Variants in KCNMA1 observed in about 807,000 individuals in gnomAD.
KCNMA1 encodes the protein potassium calcium-activated channel subfamily M alpha 1, also known as Calcium-activated potassium channel subunit alpha-1.
In KCNMA1, 29 loss-of-function variants were observed where a neutral mutation model predicts 140.0. The ratio of observed to expected loss-of-function variants is 0.21; its 90% confidence interval spans 0.15 to 0.28. The LOEUF (loss-of-function observed/expected upper bound fraction) is 0.28. Among genes scored for constraint, KCNMA1 ranks in the 10% least tolerant of loss-of-function variants. The pLI, the probability that KCNMA1 is intolerant of heterozygous loss-of-function variation, is 1.00. For missense variants in KCNMA1, 880 were observed against 1,602.2 expected (o/e 0.55, Z 7.70); for synonymous variants, 612 against 611.9 (o/e 1.00, Z 0.00).
At chr10:77,302,870 A>G (rs1165928247) in intron 2 of KCNMA1, among the ~76,000 whole-genome samples, 1 of 152,124 alleles carries the variant, frequency 6.6e-6, no homozygotes, top group Admixed American at 6.5e-5. Flanking sequence ...GAGGTTCTCA[A>G]TCCAGTCTGT....
At chr10:77,282,735 C>T (rs2069120454) in intron 2 of KCNMA1, among the ~76,000 whole-genome samples, 1 of 152,290 alleles carries the variant, frequency 6.6e-6, no homozygotes, top group Admixed American at 6.5e-5. Flanking sequence ...TGATAAGAAA[C>T]ACAGGTGGCT....
chr10:77,631,621 C>T (rs979678085), intron 1 of KCNMA1, among the ~76,000 whole-genome samples: 4 of 152,202 alleles, frequency 2.6e-5, no homozygotes, highest in Non-Finnish European at 5.9e-5. Flanking sequence ...TGCACCAGGC[C>T]TCTCATGCCC....
chr10:77,572,274 C>A (rs546759463), intron 1 of KCNMA1, among the ~76,000 whole-genome samples: 3 of 151,810 alleles, frequency 2.0e-5, no homozygotes, highest in South Asian at 4.2e-4. Flanking sequence ...TAAAAAGAAA[C>A]CAGACCACAC....
At chr10:76,890,791 C>T (rs1279611126) in intron 26 of KCNMA1, among the ~76,000 whole-genome samples, 3 of 152,168 alleles carry the variant, frequency 2.0e-5, no homozygotes, top group African/African-American at 7.2e-5. Context: ...TAGGCAGATA[C>T]ATGGAATCAG....
chr10:77,327,691 T>A (rs1301711713), intron 2 of KCNMA1, among the ~76,000 whole-genome samples: 2 of 151,952 alleles, frequency 1.3e-5, no homozygotes, highest in African/African-American at 2.4e-5. Context: ...CACATCCTCC[T>A]ATAAGGTGAG....
rs534785688 is a variant in KCNMA1 at position 77,177,956 on chromosome 10, C to CT, written c.808+5464dup. ...TTGTTGTTGTTTTTAAGCACCTGTG[C>CT]TTTTTTTATATAATCCTGTTTTTAT... On this transcript the variant is annotated intron_variant, in intron 5 of 27. Transcript: ENST00000286628. Among the ~76,000 whole-genome samples the CT allele has an allele frequency of 2.5e-3, 379 of 152,194 alleles. 6 individuals carry two copies. The highest frequency in any genetic ancestry group is 0.011 in the Admixed American group (172 of 15,284).
intron 2 of KCNMA1, among the ~76,000 whole-genome samples, chr10:77,358,556 CTT>C (rs2093688370): frequency 6.6e-6 from 1 of 152,062 alleles, no homozygotes; most frequent in African/African-American, 2.4e-5. Flanking sequence ...TCCTTTTTCT[CTT>C]TTAAGCCCAG....
intron 2 of KCNMA1, among the ~76,000 whole-genome samples, chr10:77,367,456 A>G (rs913508695): frequency 2.0e-5 from 3 of 152,276 alleles, no homozygotes; most frequent in African/African-American, 7.2e-5. Context: ...TGTGTTCCCA[A>G]GAGCCCCAGC....
chr10:77,290,535 C>A (rs2072846311), intron 2 of KCNMA1, among the ~76,000 whole-genome samples: 2 of 152,172 alleles, frequency 1.3e-5, no homozygotes. Context: ...AGGGTTGTAT[C>A]TTCAAGCACT....
chr10:77,246,789 AT>A (rs1479160283), intron 3 of KCNMA1, among the ~76,000 whole-genome samples: 3 of 152,152 alleles, frequency 2.0e-5, no homozygotes, highest in Non-Finnish European at 4.4e-5. Flanking sequence ...GGGAGAGGCC[AT>A]TTTCCAATCG....
chr10:77,310,349 A>C (rs1189769662), intron 2 of KCNMA1, among the ~76,000 whole-genome samples: 2 of 152,080 alleles, frequency 1.3e-5, no homozygotes, highest in African/African-American at 4.8e-5. Flanking sequence ...AATTTCTGAG[A>C]TCTCGATCCA....
chr10:77,452,189 C>A (rs950763449), intron 1 of KCNMA1, among the ~76,000 whole-genome samples: 3 of 152,152 alleles, frequency 2.0e-5, no homozygotes, highest in African/African-American at 7.2e-5. Flanking sequence ...CCTGCCATGA[C>A]CCCCAGGGCA....
chr10:77,039,252 C>A, intron 15 of KCNMA1: 1 of 524,916 alleles, frequency 1.9e-6, no homozygotes, highest in Non-Finnish European at 3.5e-6. Flanking sequence ...TCACAGAAGG[C>A]ATGCAGGATA....
intron 1 of KCNMA1, among the ~76,000 whole-genome samples, chr10:77,570,361 G>A (rs1007894995): frequency 0.013 from 1,925 of 146,954 alleles, 18 homozygotes; most frequent in Middle Eastern, 0.038. Flanking sequence ...TGATAGACTG[G>A]ATTAAGAAAA....
chr10:77,379,959 C>T (rs186552029), intron 2 of KCNMA1, among the ~76,000 whole-genome samples: 2 of 152,138 alleles, frequency 1.3e-5, no homozygotes, highest in Non-Finnish European at 2.9e-5. Context: ...AATGCGGTAC[C>T]TACTCTCATA....
At chr10:76,914,671 A>G (rs145554450) in intron 24 of KCNMA1, 156 of 405,592 alleles carry the variant, frequency 3.8e-4, no homozygotes, top group African/African-American at 2.8e-3. Context: ...GAATGCCCCA[A>G]TCGCAAATCC....
At chr10:77,372,455 C>T (rs138380918) in intron 2 of KCNMA1, among the ~76,000 whole-genome samples, 53 of 152,328 alleles carry the variant, frequency 3.5e-4, no homozygotes, top group East Asian at 1.9e-3. Flanking sequence ...AACAGATCTA[C>T]GGGTCTTGGA....
intron 1 of KCNMA1, among the ~76,000 whole-genome samples, chr10:77,411,730 G>T (rs1182092067): frequency 1.3e-5 from 2 of 152,148 alleles, no homozygotes; most frequent in African/African-American, 2.4e-5. Flanking sequence ...CTTCTTCCAG[G>T]GCCCTGTGCC....
chr10:76,968,529 C>G (rs184540268), intron 20 of KCNMA1, among the ~76,000 whole-genome samples: 5 of 152,280 alleles, frequency 3.3e-5, no homozygotes, highest in Admixed American at 2.6e-4. Context: ...AGGAAAGTGG[C>G]TGGGCTTTTC....
Sources: allele counts gnomAD v4.1 joint callset (sites outside exome capture counted in the v4.1 genomes callset), GRCh38; gene constraint gnomAD v4.1.1; transcripts MANE v1.5; gene names NCBI Gene and HGNC (gene_info 2026-07-23, HGNC 2026-07-21).